The following RXFP1 variants were observed in gnomAD, a reference collection of about 807,000 sequenced individuals.
The protein encoded by RXFP1 is relaxin family peptide receptor 1.
A neutral mutation model predicts 89.8 loss-of-function variants in RXFP1; 73 were observed. The observed-to-expected ratio is 0.81, with a 90% CI of 0.67 to 0.99. The LOEUF (loss-of-function observed/expected upper bound fraction) is 0.99. Ranked by LOEUF, RXFP1 falls within the 50% of genes least tolerant of loss-of-function variation. RXFP1 has a pLI of 0.00. For synonymous variants in RXFP1, 277 were observed against 305.5 expected, an observed-to-expected ratio of 0.91 and a Z score of 0.97; for missense variants, 793 against 895.5, an observed-to-expected ratio of 0.89 and a Z score of 1.46.
intron 15 of RXFP1, 29 bp downstream of exon 15, chr4:158,645,167 G>A (rs1371516600): frequency 2.0e-6 from 3 of 1,531,498 alleles, no homozygotes; most frequent in East Asian, 2.3e-5. Flanking sequence ...AAGGAGAATT[G>A]TAGTTTTGAA....
chr4:158,554,095 A>T (rs938104330), intron 1 of RXFP1, among the ~76,000 whole-genome samples: 1 of 152,126 alleles, frequency 6.6e-6, no homozygotes, highest in African/African-American at 2.4e-5. Flanking sequence ...ACAATCAAAA[A>T]TGTCTCCAAA....
chr4:158,553,593 C>T (rs1750632403), intron 1 of RXFP1, among the ~76,000 whole-genome samples: 1 of 152,038 alleles, frequency 6.6e-6, no homozygotes, highest in Admixed American at 6.6e-5. Flanking sequence ...GGGTAGGCCA[C>T]CTTCTGGAAT....
chr4:158,634,974 T>G lies in RXFP1; in HGVS notation c.971+1498T>G, dbSNP rs146932397. On this transcript the variant is annotated intron_variant, in intron 12 of 17. Transcript: ENST00000307765. The stretch of plus-strand genomic sequence containing the variant: ...TTAAGTGGTGTAAAATCTCCAATTT[T>G]GTTCTGCTTTTTTCAAGATTGTTTG... Among the ~76,000 whole-genome samples the G allele has an allele frequency of 3.1e-3, 473 of 152,316 alleles. 2 individuals are homozygous for G. Among genetic ancestry groups the G allele is most frequent in the African/African-American group, 0.011 (455 of 41,588 alleles).
At chr4:158,525,310 C>T (rs1420992302) in intron 1 of RXFP1, among the ~76,000 whole-genome samples, 1 of 151,254 alleles carries the variant, frequency 6.6e-6, no homozygotes, top group African/African-American at 2.4e-5. Context: ...GTGGTCAAGT[C>T]AGGACTTTTA....
At chr4:158,651,436 T>C (rs895698632) in intron 17 of RXFP1, among the ~76,000 whole-genome samples, 1 of 152,226 alleles carries the variant, frequency 6.6e-6, no homozygotes, top group Non-Finnish European at 1.5e-5. Flanking sequence ...CTAAACAATA[T>C]GTTTTTCCTA....
chr4:158,550,692 C>T (rs934488676), intron 1 of RXFP1, among the ~76,000 whole-genome samples: 5 of 152,108 alleles, frequency 3.3e-5, no homozygotes, highest in Non-Finnish European at 7.4e-5. Context: ...GTAGAAACAT[C>T]AATAACCTTT....
intron 4 of RXFP1, 96 bp downstream of exon 4, chr4:158,599,527 A>G (rs1007894027): frequency 4.4e-5 from 44 of 999,822 alleles, no homozygotes; most frequent in Non-Finnish European, 5.4e-5. Context: ...ATATATTTTT[A>G]TTCAAAGATG....
chr4:158,524,474 A>G (rs1331833199), intron 1 of RXFP1, among the ~76,000 whole-genome samples: 6 of 152,198 alleles, frequency 3.9e-5, no homozygotes, highest in Non-Finnish European at 8.8e-5. Flanking sequence ...GTTGATCTAG[A>G]ATTCAATTCA....
At chr4:158,580,903 T>C (rs909020323) in intron 2 of RXFP1, among the ~76,000 whole-genome samples, 10 of 152,186 alleles carry the variant, frequency 6.6e-5, no homozygotes, top group Non-Finnish European at 1.3e-4. Flanking sequence ...GTTCAAGTGA[T>C]TCTCCTGCCT....
At chr4:158,637,884 C>T in intron 12 of RXFP1, 124 bp from the exon 13 acceptor site, 1 of 635,846 alleles carries the variant, frequency 1.6e-6, no homozygotes, top group Non-Finnish European at 2.8e-6. Context: ...AGTCTTTCAT[C>T]CATTACGAGT....
At chr4:158,643,468 G>GTGT (rs1770796815) in intron 14 of RXFP1, among the ~76,000 whole-genome samples, 2 of 112,818 alleles carry the variant, frequency 1.8e-5, no homozygotes, top group African/African-American at 6.9e-5. Context: ...TCATATGCTA[G>GTGT]TTTTTTTTTT....
At chr4:158,626,955 C>A (rs1250096416) in intron 10 of RXFP1, 64 bp downstream of exon 10, 8 of 830,092 alleles carry the variant, frequency 9.6e-6, no homozygotes, top group Non-Finnish European at 1.4e-5. Context: ...TTTAAAAACA[C>A]CCATTTTATG....
chr4:158,644,825 G>T, intron 14 of RXFP1, 84 bp from the exon 15 acceptor site: 2 of 919,014 alleles, frequency 2.2e-6, no homozygotes, highest in South Asian at 1.6e-5. Context: ...TCTTTCTACC[G>T]ATAAAATGTA....
At chr4:158,525,283 C>A (rs368630840) in intron 1 of RXFP1, among the ~76,000 whole-genome samples, 10 of 150,676 alleles carry the variant, frequency 6.6e-5, no homozygotes, top group African/African-American at 2.4e-4. Flanking sequence ...CAATTTGGTA[C>A]ATGCCTAGAT....
intron 14 of RXFP1, among the ~76,000 whole-genome samples, chr4:158,642,925 G>A (rs537935379): frequency 1.3e-5 from 2 of 152,284 alleles, no homozygotes; most frequent in Admixed American, 6.5e-5. Context: ...GAAATGCACA[G>A]GGTTTTAATA....
chr4:158,603,851 C>G (rs1762120124), intron 4 of RXFP1, among the ~76,000 whole-genome samples: 1 of 150,366 alleles, frequency 6.7e-6, no homozygotes, highest in Non-Finnish European at 1.5e-5. Context: ...GATCATGTCA[C>G]TGCACTCCTG....
intron 12 of RXFP1, among the ~76,000 whole-genome samples, chr4:158,635,403 T>A (rs934362958): frequency 6.6e-6 from 1 of 152,236 alleles, no homozygotes; most frequent in Non-Finnish European, 1.5e-5. Flanking sequence ...TTAGTTCAAA[T>A]GGATTTCTTT....
chr4:158,530,593 C>G (rs753423721), intron 1 of RXFP1, among the ~76,000 whole-genome samples: 2 of 152,210 alleles, frequency 1.3e-5, no homozygotes, highest in Non-Finnish European at 2.9e-5. Context: ...ACATTTCAAA[C>G]TTAGACAGAG....
At chr4:158,537,610 G>A (rs1297979806) in intron 1 of RXFP1, among the ~76,000 whole-genome samples, 2 of 152,032 alleles carry the variant, frequency 1.3e-5, no homozygotes, top group Non-Finnish European at 2.9e-5. Context: ...AAGTATTTCG[G>A]ACACACAGAC....
Sources: allele counts gnomAD v4.1 joint callset (sites outside exome capture counted in the v4.1 genomes callset), GRCh38; gene constraint gnomAD v4.1.1; transcripts MANE v1.5; gene names NCBI Gene and HGNC (gene_info 2026-07-23, HGNC 2026-07-21).